MAPK8: variants seen among roughly 807,000 people sequenced by gnomAD.
MAPK8 encodes the protein JUN N-terminal kinase.
A neutral mutation model predicts 52.9 loss-of-function variants in MAPK8; 13 were observed. That is an observed-to-expected ratio of 0.25 (90% CI 0.16 to 0.39). The LOEUF (loss-of-function observed/expected upper bound fraction) is 0.39. MAPK8 is among the 10% of genes least tolerant of loss of function. The pLI is 1.00. For missense variants in MAPK8, 300 were observed against 519.2 expected (o/e 0.58, Z 4.10); for synonymous variants, 191 against 169.8 (o/e 1.12, Z -0.97).
At chr10:48,314,345 C>T (rs539166630) in intron 1 of MAPK8, among the ~76,000 whole-genome samples, 39 of 152,244 alleles carry the variant, frequency 2.6e-4, no homozygotes, top group African/African-American at 9.1e-4. Flanking sequence ...AAAGGTCTCT[C>T]CTCCAGATAC....
intron 11 of MAPK8, among the ~76,000 whole-genome samples, chr10:48,433,426 A>G (rs1003267548): frequency 2.0e-5 from 3 of 152,242 alleles, no homozygotes; most frequent in Admixed American, 6.5e-5. Context: ...CATACTGTTC[A>G]GTCAGAAAAG....
chr10:48,423,007 C>G (rs2043453900), intron 6 of MAPK8, among the ~76,000 whole-genome samples: 1 of 152,146 alleles, frequency 6.6e-6, no homozygotes, highest in Non-Finnish European at 1.5e-5. Context: ...GAATTGGGAC[C>G]TTCAGATGTC....
chr10:48,331,288 A>G (rs773441223), intron 1 of MAPK8, among the ~76,000 whole-genome samples: 1 of 152,174 alleles, frequency 6.6e-6, no homozygotes, highest in African/African-American at 2.4e-5. Context: ...CTGGGATGCT[A>G]CTGTCTTGGT....
At chr10:48,340,975 T>C (rs961478220) in intron 1 of MAPK8, among the ~76,000 whole-genome samples, 2 of 152,252 alleles carry the variant, frequency 1.3e-5, no homozygotes, top group Non-Finnish European at 2.9e-5. Context: ...AGGACAGTTA[T>C]AGGACTTACC....
intron 1 of MAPK8, among the ~76,000 whole-genome samples, chr10:48,397,160 T>G (rs1325498814): frequency 6.6e-6 from 1 of 152,096 alleles, no homozygotes; most frequent in African/African-American, 2.4e-5. Flanking sequence ...ATAACCTTTT[T>G]TTTTTTTTGA....
intron 2 of MAPK8, among the ~76,000 whole-genome samples, 196 bp downstream of exon 2, chr10:48,401,978 G>T (rs1312882388): frequency 2.0e-5 from 3 of 152,062 alleles, no homozygotes; most frequent in Non-Finnish European, 4.4e-5. Flanking sequence ...ATTATTAAAG[G>T]TTGAGTATCC....
At chr10:48,431,072 CA>C in intron 10 of MAPK8, 120 bp from the exon 11 acceptor site, 1 of 680,700 alleles carries the variant, frequency 1.5e-6, no homozygotes, top group East Asian at 2.7e-5. Flanking sequence ...AACTGACTGT[CA>C]TTGTAAGGAC....
chr10:48,357,487 G>A (rs1028108517), intron 1 of MAPK8, among the ~76,000 whole-genome samples: 1 of 151,970 alleles, frequency 6.6e-6, no homozygotes, highest in Non-Finnish European at 1.5e-5. Flanking sequence ...TTGACCTCTC[G>A]GGCTCAGGTG....
rs531029557 is a variant in MAPK8 at position 48,375,899 on chromosome 10, A to G, written c.-49-25713A>G. Among the ~76,000 whole-genome samples the G allele has an allele frequency of 1.8e-4, 28 of 152,354 alleles. 1 individual carries two copies. The South Asian group carries it at 5.8e-3, about 32-fold the overall frequency. On this transcript the variant is annotated intron_variant, in intron 1 of 11. Coordinates refer to ENST00000374189, the MANE Select transcript of MAPK8 (RefSeq NM_001323329.2). ...ATTAGAAGAAACTACTTTAAATTTCATATGGAACCAAAATAGAGCCCACAT... is the reference window on the plus strand; with the variant it reads ...ATTAGAAGAAACTACTTTAAATTTCGTATGGAACCAAAATAGAGCCCACAT...
At chr10:48,331,536 A>G (rs1765803316) in intron 1 of MAPK8, among the ~76,000 whole-genome samples, 1 of 152,150 alleles carries the variant, frequency 6.6e-6, no homozygotes, top group African/African-American at 2.4e-5. Context: ...ACTCAAGGAT[A>G]GTGAGTCCAC....
At chr10:48,421,027 AT>A (rs2043323752) in intron 6 of MAPK8, among the ~76,000 whole-genome samples, 1 of 152,250 alleles carries the variant, frequency 6.6e-6, no homozygotes, top group Non-Finnish European at 1.5e-5. Context: ...TAGGAGATGA[AT>A]AAATCTGCTA....
At chr10:48,432,569 T>C (rs989411403) in intron 11 of MAPK8, among the ~76,000 whole-genome samples, 1 of 152,056 alleles carries the variant, frequency 6.6e-6, no homozygotes, top group African/African-American at 2.4e-5. Context: ...TATTGCTATA[T>C]AGTAGTAGTA....
intron 1 of MAPK8, among the ~76,000 whole-genome samples, chr10:48,334,047 G>A (rs758572610): frequency 5.9e-5 from 9 of 152,176 alleles, no homozygotes; most frequent in Admixed American, 3.9e-4. Flanking sequence ...TGTTCCGGGC[G>A]CCTCTGCTCC....
chr10:48,337,324 G>GT lies in MAPK8; in HGVS notation c.-50+30504dup, dbSNP rs576931353. 4.0e-4 allele frequency among the ~76,000 whole-genome samples: 61 copies of GT among 152,204 alleles called. 3 individuals carry two copies. The South Asian group carries it at 0.012, about 30-fold the overall frequency. ...TACCAAGAATAACTCTGAAAGCCAC[G>GT]TAAGTACATGGAAATGAAACAGTTT... On this transcript the variant is annotated intron_variant, in intron 1 of 11. Transcript: ENST00000374189.
intron 1 of MAPK8, among the ~76,000 whole-genome samples, chr10:48,391,146 G>A (rs988587519): frequency 3.9e-5 from 6 of 152,206 alleles, no homozygotes; most frequent in Non-Finnish European, 8.8e-5. Flanking sequence ...TAGTTTAGCT[G>A]TGTTGACATG....
intron 5 of MAPK8, among the ~76,000 whole-genome samples, chr10:48,414,847 G>A (rs2042975409): frequency 6.6e-6 from 1 of 151,986 alleles, no homozygotes; most frequent in Non-Finnish European, 1.5e-5. Flanking sequence ...CTCCCAAAGT[G>A]CTGGGATCAC....
At chr10:48,424,656 G>T in intron 7 of MAPK8, 1 of 982,834 alleles carries the variant, frequency 1.0e-6, no homozygotes, top group Non-Finnish European at 1.5e-6. Flanking sequence ...AGTTTGGTCA[G>T]GTATAATGTA....
At chr10:48,313,421 GT>G (rs11322040) in intron 1 of MAPK8, among the ~76,000 whole-genome samples, 152,276 of 152,276 alleles carry the variant, frequency 1, 76,138 homozygotes, top group Non-Finnish European at 1. Flanking sequence ...CGGCAGAGGT[GT>G]AGACTCTGTC....
intron 6 of MAPK8, 71 bp downstream of exon 6, chr10:48,420,391 T>G (rs557488225): frequency 1.5e-6 from 2 of 1,366,184 alleles, no homozygotes; most frequent in Non-Finnish European, 9.9e-7. Context: ...ATTTTTAATG[T>G]AAATACTTAA....
Sources: allele counts gnomAD v4.1 joint callset (sites outside exome capture counted in the v4.1 genomes callset), GRCh38; gene constraint gnomAD v4.1.1; transcripts MANE v1.5; gene names NCBI Gene and HGNC (gene_info 2026-07-23, HGNC 2026-07-21).